The following LRMDA variants were observed in gnomAD, a reference collection of about 807,000 sequenced individuals.
LRMDA encodes leucine-rich melanocyte differentiation-associated protein.
In LRMDA, 18 loss-of-function variants were observed where a neutral mutation model predicts 29.8. The observed-to-expected ratio is 0.60, with a 90% confidence interval of 0.42 to 0.90. LRMDA has a LOEUF of 0.90. Ranked by LOEUF, LRMDA falls within the 40% of genes least tolerant of loss-of-function variation. LRMDA has a pLI of 0.00. For missense variants in LRMDA, 273 were observed against 273.9 expected (o/e 1.00, Z 0.02); for synonymous variants, 125 against 109.4 (o/e 1.14, Z -0.89).
At chr10:75,663,822 C>A (rs1841785834) in intron 2 of LRMDA, among the ~76,000 whole-genome samples, 2 of 152,198 alleles carry the variant, frequency 1.3e-5, no homozygotes, top group Admixed American at 6.5e-5. Context: ...CTATTCCCAA[C>A]AGCATGGTGT....
chr10:75,672,518 TTCTTTTCCTCCCCTCC>T (rs1234996499), intron 2 of LRMDA, among the ~76,000 whole-genome samples: 415 of 37,574 alleles, frequency 0.011, 63 homozygotes, highest in East Asian at 0.046. Context: ...TATTTTTCTT[TTCTTTTCCTCCCCTCC>T]CCTCCCCTCC....
intron 5 of LRMDA, among the ~76,000 whole-genome samples, chr10:76,266,986 C>T (rs1840013514): frequency 6.6e-6 from 1 of 152,094 alleles, no homozygotes; most frequent in African/African-American, 2.4e-5. Context: ...AGGAGGGACA[C>T]ATTATCAAGA....
At chr10:76,236,708 A>G (rs1263111504) in intron 5 of LRMDA, among the ~76,000 whole-genome samples, 2 of 152,198 alleles carry the variant, frequency 1.3e-5, no homozygotes, top group Non-Finnish European at 2.9e-5. Context: ...TTGACTTGCC[A>G]TGAACATCAG....
At chr10:76,238,697 G>A (rs904058035) in intron 5 of LRMDA, among the ~76,000 whole-genome samples, 6 of 151,306 alleles carry the variant, frequency 4.0e-5, no homozygotes, top group South Asian at 4.2e-4. Flanking sequence ...TGACAAACAC[G>A]GACAACATCA....
chr10:76,077,991 C>CTTTTTTTTTTT (rs1564646877), intron 5 of LRMDA, among the ~76,000 whole-genome samples: 2 of 83,432 alleles, frequency 2.4e-5, no homozygotes, highest in Non-Finnish European at 4.6e-5. Context: ...GCAATATTAA[C>CTTTTTTTTTTT]ATTTTTTTTT....
Position 75,523,896 on chromosome 10 carries a change from A to G in LRMDA, c.131+85402A>G, listed in dbSNP as rs140151194. On this transcript the variant is annotated intron_variant, in intron 2 of 6. Coordinates refer to ENST00000611255, the MANE Select transcript of LRMDA (RefSeq NM_001305581.2). Reference sequence around the variant, plus strand: ...CTCCACCCCAGTTGATAATTTTTATATAGAAAAAGCATCTGAAAACGTGGA... The same window carrying G: ...CTCCACCCCAGTTGATAATTTTTATGTAGAAAAAGCATCTGAAAACGTGGA... Among the ~76,000 whole-genome samples the G allele has an allele frequency of 3.0e-3, 450 of 152,274 alleles. 4 individuals are homozygous for G. Among genetic ancestry groups the G allele is most frequent in the African/African-American group, 0.01 (423 of 41,546 alleles).
chr10:76,365,085 CAT>C lies in LRMDA; in HGVS notation c.601+40622_601+40623del, dbSNP rs554375602. Among the ~76,000 whole-genome samples, 78 of 69,716 alleles carry C rather than the reference CAT, an allele frequency of 1.1e-3. 1 individual carries two copies. The highest frequency in any genetic ancestry group is 4.8e-3 in the South Asian group (12 of 2,478). The allele number at this position is 69,716 out of a possible 152,430, so 45.7% of individuals were successfully genotyped here. A position where few individuals can be genotyped will look rare whatever the true frequency, so the allele number is the denominator to read the frequency against. On this transcript the variant is annotated intron_variant, in intron 6 of 6. Transcript: ENST00000611255. ...TCGTATATATATACACACACACACACATATATATATATATATATATATACACA... is the reference window on the plus strand; with the variant it reads ...TCGTATATATATACACACACACACACATATATATATATATATATATACACA...
At chr10:75,510,679 G>A (rs753064599) in intron 2 of LRMDA, among the ~76,000 whole-genome samples, 2 of 152,180 alleles carry the variant, frequency 1.3e-5, no homozygotes, top group South Asian at 2.1e-4. Context: ...CCAGTTGAAT[G>A]GATGGTGGTC....
chr10:76,436,496 G>T (rs951579355), intron 6 of LRMDA, among the ~76,000 whole-genome samples: 4 of 152,146 alleles, frequency 2.6e-5, no homozygotes, highest in Non-Finnish European at 4.4e-5. Flanking sequence ...TTCTCTACGG[G>T]TTTCAAAGTG....
At chr10:76,276,527 A>G (rs1338759196) in intron 5 of LRMDA, among the ~76,000 whole-genome samples, 2 of 152,094 alleles carry the variant, frequency 1.3e-5, no homozygotes, top group Non-Finnish European at 2.9e-5. Context: ...CTTTCCTGAG[A>G]GCTTCTACTT....
intron 2 of LRMDA, among the ~76,000 whole-genome samples, chr10:75,656,933 C>T (rs771998675): frequency 1.4e-4 from 22 of 152,106 alleles, no homozygotes; most frequent in South Asian, 4.2e-4. Flanking sequence ...GTGTTTAAAG[C>T]GGCTTAACGG....
intron 6 of LRMDA, among the ~76,000 whole-genome samples, chr10:76,419,901 C>A (rs879673462): frequency 6.6e-5 from 10 of 151,968 alleles, no homozygotes; most frequent in Non-Finnish European, 1.2e-4. Flanking sequence ...TGAAACTTAC[C>A]CAACTTTATT....
intron 5 of LRMDA, among the ~76,000 whole-genome samples, chr10:76,250,343 T>C (rs570071363): frequency 6.6e-6 from 1 of 152,326 alleles, no homozygotes; most frequent in East Asian, 1.9e-4. Context: ...GTTATGAGAA[T>C]TGAGTGGATA....
At position 75,444,183 on chromosome 10, in the gene LRMDA, G is replaced by C. The variant is rs373267922; in HGVS notation, c.131+5689G>C. ...ATTATACGTCAGAGTCTTCTTTCCTGCATTAACTATGGCAAATCCACTTCT... is the reference window on the plus strand; with the variant it reads ...ATTATACGTCAGAGTCTTCTTTCCTCCATTAACTATGGCAAATCCACTTCT... On this transcript the variant is annotated intron_variant, in intron 2 of 6. Transcript: ENST00000611255. 1.1e-4 allele frequency among the ~76,000 whole-genome samples: 17 copies of C among 152,184 alleles called. No individual in the cohort carries two copies. In the East Asian group the frequency reaches 2.9e-3, roughly 26 times the overall value.
intron 2 of LRMDA, among the ~76,000 whole-genome samples, chr10:75,905,886 G>T (rs971338444): frequency 1.3e-5 from 2 of 152,070 alleles, no homozygotes; most frequent in African/African-American, 4.8e-5. Context: ...TAGTCTGCTG[G>T]GGAGGAGGTG....
chr10:75,627,061 G>A (rs150062063), intron 2 of LRMDA, among the ~76,000 whole-genome samples: 139 of 152,284 alleles, frequency 9.1e-4, no homozygotes, highest in Middle Eastern at 3.4e-3. Context: ...ATTGGTTCAT[G>A]CTATAGTAGT....
At chr10:76,177,709 A>G (rs1315357719) in intron 5 of LRMDA, among the ~76,000 whole-genome samples, 2 of 152,254 alleles carry the variant, frequency 1.3e-5, no homozygotes, top group African/African-American at 4.8e-5. Context: ...AAATATATTG[A>G]GAGACCTCCC....
rs183591455 is a variant in LRMDA at position 75,693,125 on chromosome 10, T to C, written c.131+254631T>C. Among the ~76,000 whole-genome samples, 281 of 152,288 alleles carry C rather than the reference T, an allele frequency of 1.8e-3. 1 individual carries two copies. Among genetic ancestry groups the C allele is most frequent in the African/African-American group, 6.3e-3 (262 of 41,572 alleles). ...GGACCCCTTTCTGTAATATAGTGCT[T>C]GGCTGGTGTAATTTTGATTTAGAAA... On this transcript the variant is annotated intron_variant, in intron 2 of 6. Transcript: ENST00000611255.
chr10:75,528,916 A>T lies in LRMDA; in HGVS notation c.131+90422A>T, dbSNP rs148729558. ...GAGCAATATGTACAGAATAAGAAAA[A>T]AGCCCTTAAAAATTCAACACATGAA... On this transcript the variant is annotated intron_variant, in intron 2 of 6. Coordinates refer to ENST00000611255, the MANE Select transcript of LRMDA (RefSeq NM_001305581.2). Among the ~76,000 whole-genome samples, 10 of 152,336 alleles carry T rather than the reference A, an allele frequency of 6.6e-5. 1 individual carries two copies. The highest frequency in any genetic ancestry group is 2.4e-4 in the African/African-American group (10 of 41,578).
Sources: gnomAD v4.1 joint callset for allele counts (sites outside exome capture counted in the v4.1 genomes callset) on GRCh38, gnomAD v4.1.1 for gene constraint, MANE v1.5 for transcripts, NCBI Gene and HGNC (gene_info 2026-07-23, HGNC 2026-07-21) for gene names.